MTMR3: variants seen among roughly 807,000 people sequenced by gnomAD.
The protein encoded by MTMR3 is phosphatidylinositol-3,5-bisphosphate 3-phosphatase MTMR3.
MTMR3 carries 32 observed loss-of-function variants against 132.4 expected under a neutral mutation model. The observed-to-expected ratio is 0.24, with a 90% CI of 0.18 to 0.32. MTMR3 has a LOEUF of 0.32. Among genes scored for constraint, MTMR3 ranks in the 10% least tolerant of loss-of-function variants. The probability of loss-of-function intolerance (pLI) is 1.00; values close to 1 mark genes in which losing one functional copy is unlikely to be tolerated. For missense variants in MTMR3, 1,216 were observed against 1,489.6 expected (o/e 0.82, Z 3.02); for synonymous variants, 556 against 550.3 (o/e 1.01, Z -0.14).
intron 1 of MTMR3, among the ~76,000 whole-genome samples, chr22:29,949,611 G>A (rs1777949770): frequency 1.3e-5 from 2 of 150,590 alleles, no homozygotes; most frequent in South Asian, 4.2e-4. Context: ...TTTCTGTTGA[G>A]TACGTGAGAA....
intron 1 of MTMR3, among the ~76,000 whole-genome samples, chr22:29,927,200 C>G (rs1043522773): frequency 6.6e-6 from 1 of 152,120 alleles, no homozygotes; most frequent in Non-Finnish European, 1.5e-5. Flanking sequence ...ACTTTAAATT[C>G]TATTCCATTG....
chr22:29,932,093 A>G (rs1285898661), intron 1 of MTMR3, among the ~76,000 whole-genome samples: 2 of 152,310 alleles, frequency 1.3e-5, no homozygotes, highest in South Asian at 2.1e-4. Context: ...GTTTCAGTCT[A>G]TTACATTGTA....
chr22:29,889,907 CTTT>C (rs11399020), intron 1 of MTMR3, among the ~76,000 whole-genome samples: 3 of 124,906 alleles, frequency 2.4e-5, no homozygotes, highest in African/African-American at 3.1e-5. Context: ...AGGATAAATT[CTTT>C]TTTTTTTTTT....
intron 17 of MTMR3, 170 bp downstream of exon 17, chr22:30,021,054 C>T (rs1397271686): frequency 1.5e-6 from 1 of 678,640 alleles, no homozygotes; most frequent in Non-Finnish European, 2.4e-6. Context: ...ACAGCGATGG[C>T]AGCCTGCCTG....
chr22:29,920,411 A>G (rs920254706), intron 1 of MTMR3, among the ~76,000 whole-genome samples: 1 of 152,170 alleles, frequency 6.6e-6, no homozygotes, highest in African/African-American at 2.4e-5. Flanking sequence ...AGTATGTAAA[A>G]CTAAGCCCAC....
At chr22:29,951,571 T>G (rs2066080308) in intron 1 of MTMR3, among the ~76,000 whole-genome samples, 1 of 152,216 alleles carries the variant, frequency 6.6e-6, no homozygotes, top group African/African-American at 2.4e-5. Flanking sequence ...GCTTTTCATT[T>G]CTCACATTTT....
intron 1 of MTMR3, among the ~76,000 whole-genome samples, chr22:29,911,072 C>G (rs2065202061): frequency 6.6e-6 from 1 of 152,128 alleles, no homozygotes; most frequent in Admixed American, 6.5e-5. Flanking sequence ...CATTCCTGCC[C>G]TACCCCAGGC....
chr22:29,948,799 TAA>T (rs35433786), intron 1 of MTMR3, among the ~76,000 whole-genome samples: 1 of 145,498 alleles, frequency 6.9e-6, no homozygotes, highest in East Asian at 2.0e-4. Context: ...TATTATTGTC[TAA>T]AAAAAAAAAG....
intron 1 of MTMR3, among the ~76,000 whole-genome samples, chr22:29,889,306 T>A (rs1233031206): frequency 4.7e-5 from 7 of 149,028 alleles, no homozygotes; most frequent in African/African-American, 9.9e-5. Context: ...TTTTTTTTTT[T>A]AGATGGCGTC....
At chr22:29,885,281 C>G (rs187023326) in intron 1 of MTMR3, among the ~76,000 whole-genome samples, 14 of 152,214 alleles carry the variant, frequency 9.2e-5, no homozygotes, top group African/African-American at 3.4e-4. Flanking sequence ...TTGGGTATTC[C>G]AAAGAAGTCC....
intron 19 of MTMR3, chr22:30,023,525 A>G (rs1232292515): frequency 6.2e-7 from 1 of 1,609,858 alleles, no homozygotes; most frequent in Non-Finnish European, 8.5e-7. Flanking sequence ...CTGCACATCT[A>G]CAATAACTTC....
intron 1 of MTMR3, among the ~76,000 whole-genome samples, chr22:29,900,780 C>G (rs1018937822): frequency 4.6e-5 from 7 of 152,214 alleles, no homozygotes; most frequent in African/African-American, 1.7e-4. Flanking sequence ...GTGGCGTGAT[C>G]TTGGCTCACT....
intron 3 of MTMR3, among the ~76,000 whole-genome samples, chr22:29,976,256 T>G (rs1191871354): frequency 6.6e-6 from 1 of 152,172 alleles, no homozygotes; most frequent in African/African-American, 2.4e-5. Flanking sequence ...AAAAGCTTTA[T>G]TATTGACAAC....
chr22:29,958,621 C>G (rs995336924), intron 2 of MTMR3, among the ~76,000 whole-genome samples: 1 of 152,122 alleles, frequency 6.6e-6, no homozygotes, highest in African/African-American at 2.4e-5. Context: ...TTGAGTCTTC[C>G]AGAAAGTCTT....
chr22:29,948,399 A>G (rs1346726088), intron 1 of MTMR3, among the ~76,000 whole-genome samples: 2 of 152,252 alleles, frequency 1.3e-5, no homozygotes, highest in Non-Finnish European at 2.9e-5. Flanking sequence ...AACATTCAAA[A>G]TAAAACATTC....
chr22:29,961,818 G>A (rs1012894047), intron 2 of MTMR3, among the ~76,000 whole-genome samples: 3 of 152,166 alleles, frequency 2.0e-5, no homozygotes, highest in Non-Finnish European at 4.4e-5. Context: ...CTATACAAGT[G>A]TACCATTTTA....
At chr22:30,008,910 A>T in intron 11 of MTMR3, 108 bp from the exon 12 acceptor site, 1 of 709,490 alleles carries the variant, frequency 1.4e-6, no homozygotes, top group Admixed American at 2.3e-5. Context: ...CAGTTTCGTT[A>T]ATCAGAAGCT....
chr22:29,962,283 A>G (rs1456660952), intron 2 of MTMR3, among the ~76,000 whole-genome samples: 1 of 152,106 alleles, frequency 6.6e-6, no homozygotes, highest in Non-Finnish European at 1.5e-5. Flanking sequence ...TATACAATTC[A>G]CCCATTTAAA....
intron 1 of MTMR3, among the ~76,000 whole-genome samples, chr22:29,955,027 T>C (rs575707461): frequency 6.8e-4 from 103 of 152,380 alleles, no homozygotes; most frequent in Non-Finnish European, 1.3e-3. Flanking sequence ...TCTTACTTTG[T>C]TGGCCAGGCT....
Sources: allele counts gnomAD v4.1 joint callset (sites outside exome capture counted in the v4.1 genomes callset), GRCh38; gene constraint gnomAD v4.1.1; transcripts MANE v1.5; gene names NCBI Gene and HGNC (gene_info 2026-07-23, HGNC 2026-07-21).